Variants in DPYSL5 observed in about 807,000 individuals in gnomAD.
DPYSL5 encodes the protein dihydropyrimidinase like 5.
In DPYSL5, 9 loss-of-function variants were observed where a neutral mutation model predicts 58.4. That is an observed-to-expected ratio of 0.15 (90% CI 0.09 to 0.27). The LOEUF is 0.27. Among genes scored for constraint, DPYSL5 ranks in the 10% least tolerant of loss-of-function variants. The pLI is 1.00. For synonymous variants in DPYSL5, 293 were observed against 301.9 expected (o/e 0.97, Z 0.31); for missense variants, 499 against 770.6 (o/e 0.65, Z 4.17).
intron 5 of DPYSL5, among the ~76,000 whole-genome samples, chr2:26,929,589 C>G (rs564948600): frequency 6.6e-6 from 1 of 152,358 alleles, no homozygotes; most frequent in South Asian, 2.1e-4. Context: ...CCACCACTGC[C>G]CCATCCCTGT....
At chr2:26,935,747 G>A (rs1665157512) in intron 8 of DPYSL5, among the ~76,000 whole-genome samples, 1 of 151,692 alleles carries the variant, frequency 6.6e-6, no homozygotes, top group Non-Finnish European at 1.5e-5. Flanking sequence ...TCACTTTTGG[G>A]TATTAAAGTT....
In DPYSL5 at chr2:26,877,593, C is replaced by A. The variant is rs1663446034; in HGVS notation, c.-4-20903C>A. ...ATTTTGGCACTGTCATGCAGATACT[C>A]CCCTTTCCCCCTAAATAAGACACTG... On this transcript the variant is annotated intron_variant, in intron 1 of 12. Transcript: ENST00000288699. The surrounding 1 kb of genome is among the most constrained non-coding windows in gnomAD (Gnocchi z 4.1). Among the ~76,000 whole-genome samples, 1 of 152,170 alleles carries A rather than the reference C, an allele frequency of 6.6e-6. No individual in the cohort carries two copies.
rs1266207634 is a variant in DPYSL5 at position 26,928,752 on chromosome 2, C to T, written c.669+429C>T. Among the ~76,000 whole-genome samples the T allele has an allele frequency of 2.2e-4, 19 of 86,734 alleles. 5 individuals carry two copies. Among genetic ancestry groups the T allele is most frequent in the Non-Finnish European group, 3.3e-4 (13 of 39,336 alleles). The allele number at this position is 86,734 out of a possible 152,430, so 56.9% of individuals were successfully genotyped here. A position where few individuals can be genotyped will look rare whatever the true frequency, so the allele number is the denominator to read the frequency against. ...ATACGCACACACACGCACACACATA[C>T]GTGTGTGCGTGTGTGTGTGTGTGTA... On this transcript the variant is annotated intron_variant, in intron 5 of 12. Coordinates refer to ENST00000288699, the MANE Select transcript of DPYSL5 (RefSeq NM_020134.4).
intron 1 of DPYSL5, among the ~76,000 whole-genome samples, chr2:26,860,342 C>A (rs962886329): frequency 1.3e-5 from 2 of 152,224 alleles, no homozygotes; most frequent in Non-Finnish European, 2.9e-5. Context: ...CCTCTCCCCT[C>A]CTGTGTCTGT....
chr2:26,848,751 G>T (rs1665663330), intron 1 of DPYSL5, among the ~76,000 whole-genome samples: 1 of 152,200 alleles, frequency 6.6e-6, no homozygotes, highest in South Asian at 2.1e-4. Context: ...GCTGGGATCT[G>T]CCCAGCCTGG....
At chr2:26,865,968 A>G (rs778101381) in intron 1 of DPYSL5, among the ~76,000 whole-genome samples, 14 of 152,172 alleles carry the variant, frequency 9.2e-5, no homozygotes, top group Non-Finnish European at 1.9e-4. Flanking sequence ...GAACCCCACC[A>G]TCAGGGACAG....
intron 1 of DPYSL5, among the ~76,000 whole-genome samples, chr2:26,894,434 C>A (rs901843698): frequency 6.6e-6 from 1 of 152,182 alleles, no homozygotes; most frequent in Admixed American, 6.5e-5. Flanking sequence ...TGACTTTAAC[C>A]TCTCTGTATC....
chr2:26,934,192 G>A lies in DPYSL5; in HGVS notation c.791-386G>A, dbSNP rs1055336378. 6.6e-6 allele frequency among the ~76,000 whole-genome samples: 1 copy of A among 152,144 alleles called. No homozygotes were observed. Among genetic ancestry groups the A allele is most frequent in the African/African-American group, 2.4e-5 (1 of 41,428 alleles). On this transcript the variant is annotated intron_variant, in intron 7 of 12. Coordinates refer to ENST00000288699, the MANE Select transcript of DPYSL5 (RefSeq NM_020134.4). The surrounding 1 kb of genome is among the most constrained non-coding windows in gnomAD (Gnocchi z 4.3). ...TCTCTTGAAGCTGCTCACAGCAACT[G>A]CCTGTCCAGAAAACAGTCTAGACTG...
chr2:26,944,743 C>A lies in DPYSL5; in HGVS notation c.1528C>A (p.Pro510Thr). Residue 510 changes from proline to threonine, a missense_variant, in exon 12 of 13, where the codon CCA (proline) becomes ACA (threonine). Pro to Thr is a conservative substitution (Grantham distance 38). Coordinates refer to ENST00000288699, the MANE Select transcript of DPYSL5 (RefSeq NM_020134.4). The surrounding 1 kb of genome is among the most constrained non-coding windows in gnomAD (Gnocchi z 4.4). ...CCCTGGGAAAAAAGAGATGGGAACCCCACTCGCAGACACTCCTACCCGGCC... is the reference window on the plus strand; with the variant it reads ...CCCTGGGAAAAAAGAGATGGGAACCACACTCGCAGACACTCCTACCCGGCC... ...VHPGKKEMGT[P>T]LADTPTRPVT... is the part of the protein sequence containing the mutation. The A allele has an allele frequency of 6.2e-7, 1 of 1,614,116 alleles. No individual in the cohort carries two copies. The highest frequency in any genetic ancestry group is 8.5e-7 in the Non-Finnish European group (1 of 1,180,004).
In DPYSL5 at chr2:26,934,813, G is replaced by A; in HGVS notation, c.947+79G>A. The A allele has an allele frequency of 6.5e-7, 1 of 1,546,464 alleles. No homozygotes were observed. The highest frequency in any genetic ancestry group is 8.8e-7 in the Non-Finnish European group (1 of 1,136,012). ...CATAGAGGGCCCAGGAAACAAATCT[G>A]AGCTAGGTTTGATTTCATTGTGCCC... On this transcript the variant is annotated intron_variant, in intron 8 of 12. Transcript: ENST00000288699. The surrounding 1 kb of genome is among the most constrained non-coding windows in gnomAD (Gnocchi z 4.3).
rs1219001814 is a variant in DPYSL5, at chr2:26,934,161, A to G, written c.791-417A>G. On this transcript the variant is annotated intron_variant, in intron 7 of 12. Coordinates refer to ENST00000288699, the MANE Select transcript of DPYSL5 (RefSeq NM_020134.4). The surrounding 1 kb of genome is among the most constrained non-coding windows in gnomAD (Gnocchi z 4.3). ...GCTACGGCCCTCCCTGTCCTACCAC[A>G]ACCGTTCTCTTGAAGCTGCTCACAG... Among the ~76,000 whole-genome samples, 3 of 152,018 alleles carry G rather than the reference A, an allele frequency of 2.0e-5. No individual in the cohort carries two copies. The South Asian group carries it at 6.2e-4, about 32-fold the overall frequency.
chr2:26,931,933 A>T (rs1200907622), intron 6 of DPYSL5, among the ~76,000 whole-genome samples: 2 of 146,460 alleles, frequency 1.4e-5, no homozygotes, highest in South Asian at 4.4e-4. Context: ...GCTTGAACCC[A>T]GGAGGCGGAG....
intron 1 of DPYSL5, among the ~76,000 whole-genome samples, chr2:26,895,636 T>C (rs1352257309): frequency 6.6e-6 from 1 of 152,170 alleles, no homozygotes; most frequent in East Asian, 1.9e-4. Flanking sequence ...TTATTAACTA[T>C]AGTCACCATG....
intron 2 of DPYSL5, among the ~76,000 whole-genome samples, chr2:26,916,769 A>ATACT (rs1355462473): frequency 6.6e-6 from 1 of 152,204 alleles, no homozygotes; most frequent in Non-Finnish European, 1.5e-5. Flanking sequence ...GCATCGAGGA[A>ATACT]TACTATCTCT....
At chr2:26,867,424 G>A (rs955205800) in intron 1 of DPYSL5, among the ~76,000 whole-genome samples, 3 of 151,378 alleles carry the variant, frequency 2.0e-5, no homozygotes, top group Non-Finnish European at 2.9e-5. Flanking sequence ...ATGGACATTC[G>A]GTTTGTTCCC....
chr2:26,893,642 C>G (rs139773167), intron 1 of DPYSL5, among the ~76,000 whole-genome samples: 1 of 152,196 alleles, frequency 6.6e-6, no homozygotes, highest in African/African-American at 2.4e-5. Context: ...GTTTATTCAC[C>G]AGTTTTGAGT....
Position 26,934,996 on chromosome 2 carries a change from G to A in DPYSL5, c.947+262G>A, listed in dbSNP as rs1205674867. On this transcript the variant is annotated intron_variant, in intron 8 of 12. Transcript: ENST00000288699. This position sits in a 1 kb window ranked among gnomAD's most constrained non-coding sequence, Gnocchi z 4.3. ...AACCGTGGTTATTCGGAATTTCAAA[G>A]GACATTGATCTCTTACTCTAAAGCC... Among the ~76,000 whole-genome samples the A allele has an allele frequency of 6.6e-6, 1 of 152,020 alleles. No individual in the cohort carries two copies. Among genetic ancestry groups the A allele is most frequent in the African/African-American group, 2.4e-5 (1 of 41,428 alleles).
intron 1 of DPYSL5, among the ~76,000 whole-genome samples, chr2:26,855,866 C>G (rs542487810): frequency 6.6e-6 from 1 of 152,224 alleles, no homozygotes; most frequent in Non-Finnish European, 1.5e-5. Context: ...GATTTCTGAC[C>G]TTGTAGATTG....
intron 2 of DPYSL5, among the ~76,000 whole-genome samples, chr2:26,923,334 CA>C (rs113950121): frequency 6.6e-6 from 1 of 152,122 alleles, no homozygotes; most frequent in African/African-American, 2.4e-5. Flanking sequence ...CAGTCTCAAA[CA>C]AAAACAAAAA....
Sources: allele counts gnomAD v4.1 joint callset (sites outside exome capture counted in the v4.1 genomes callset), GRCh38; gene constraint gnomAD v4.1.1; non-coding constraint Gnocchi (gnomAD v3.1); transcripts MANE v1.5; gene names NCBI Gene and HGNC (gene_info 2026-07-23, HGNC 2026-07-21).